The following EYS variants were observed in gnomAD, a reference collection of about 807,000 sequenced individuals.
The protein encoded by EYS is EGF-like photoreceptor maintenance factor, also known as protein eyes shut homolog.
EYS carries 250 observed loss-of-function variants against 282.1 expected under a neutral mutation model. The ratio of observed to expected loss-of-function variants is 0.89; its 90% confidence interval spans 0.80 to 0.98. The LOEUF (loss-of-function observed/expected upper bound fraction) is 0.98. Among genes scored for constraint, EYS ranks in the 50% least tolerant of loss-of-function variants. EYS has a pLI of 0.00. For synonymous variants in EYS, 1,355 were observed against 1,282.9 expected, an observed-to-expected ratio of 1.06 and a Z score of -1.20; for missense variants, 4,016 against 3,709.0, an observed-to-expected ratio of 1.08 and a Z score of -2.15.
At chr6:64,421,209 T>C (rs951993305) in intron 28 of EYS, among the ~76,000 whole-genome samples, 1 of 152,082 alleles carries the variant, frequency 6.6e-6, no homozygotes, top group African/African-American at 2.4e-5. Context: ...CTTCTTCACA[T>C]GGCAGCAGGA....
intron 35 of EYS, among the ~76,000 whole-genome samples, chr6:63,865,031 T>G (rs1257287244): frequency 6.6e-6 from 1 of 152,220 alleles, no homozygotes; most frequent in Non-Finnish European, 1.5e-5. Context: ...AAGTAACAGA[T>G]GCCTTCGTTT....
intron 1 of EYS, among the ~76,000 whole-genome samples, chr6:65,660,448 G>A (rs376760177): frequency 2.6e-5 from 4 of 151,828 alleles, no homozygotes; most frequent in African/African-American, 9.6e-5. Flanking sequence ...GAGTGGAAAA[G>A]CGCTTCATGG....
At chr6:64,072,968 G>A (rs535479708) in intron 32 of EYS, among the ~76,000 whole-genome samples, 30 of 151,984 alleles carry the variant, frequency 2.0e-4, no homozygotes, top group African/African-American at 7.0e-4. Context: ...TCAACAAGAT[G>A]TATGTAGTAC....
intron 22 of EYS, among the ~76,000 whole-genome samples, chr6:64,754,646 A>G (rs373569666): frequency 6.6e-6 from 1 of 152,172 alleles, no homozygotes; most frequent in East Asian, 1.9e-4. Context: ...AAAATTAAGT[A>G]GGTTTCATTC....
chr6:63,766,802 G>T (rs2149658542), intron 40 of EYS, among the ~76,000 whole-genome samples: 1 of 152,066 alleles, frequency 6.6e-6, no homozygotes, highest in Middle Eastern at 3.4e-3. Flanking sequence ...CTGTGGAAAT[G>T]TTGGGACCAT....
At chr6:64,773,028 A>G (rs1248510687) in intron 22 of EYS, among the ~76,000 whole-genome samples, 2 of 151,756 alleles carry the variant, frequency 1.3e-5, no homozygotes, top group Non-Finnish European at 2.9e-5. Context: ...GGTTTGTTAC[A>G]TGGATAATTT....
At chr6:65,507,084 C>T (rs941921869) in intron 2 of EYS, among the ~76,000 whole-genome samples, 1 of 152,030 alleles carries the variant, frequency 6.6e-6, no homozygotes, top group Non-Finnish European at 1.5e-5. Flanking sequence ...TTTCACTCTC[C>T]CTTTTTCAAT....
chr6:65,409,598 C>T (rs1228333512), intron 5 of EYS, among the ~76,000 whole-genome samples: 4 of 152,082 alleles, frequency 2.6e-5, no homozygotes, highest in African/African-American at 9.7e-5. Context: ...AAATGATATA[C>T]GTGGACTTTG....
intron 5 of EYS, among the ~76,000 whole-genome samples, chr6:65,465,707 C>T (rs1396009073): frequency 1.3e-5 from 2 of 152,020 alleles, no homozygotes; most frequent in Non-Finnish European, 2.9e-5. Context: ...CACGCATGGT[C>T]GCTTATTCCC....
chr6:63,959,941 G>C lies in EYS; in HGVS notation c.7055+24442C>G, dbSNP rs938514625. On this transcript the variant is annotated intron_variant, in intron 35 of 42. Coordinates refer to ENST00000503581, the MANE Select transcript of EYS (RefSeq NM_001142800.2). ...TTAAAACCTAGATGACGAATTGATA[G>C]GTGCAGCAAACCACCATGGCACATG... is the stretch of plus-strand genomic sequence containing the variant. Among the ~76,000 whole-genome samples, 17 of 151,714 alleles carry C rather than the reference G, an allele frequency of 1.1e-4. 1 individual carries two copies. Among genetic ancestry groups the C allele is most frequent in the Non-Finnish European group, 2.1e-4 (14 of 67,976 alleles).
At chr6:64,798,186 CTT>C (rs1774419566) in intron 22 of EYS, among the ~76,000 whole-genome samples, 1 of 151,806 alleles carries the variant, frequency 6.6e-6, no homozygotes, top group Non-Finnish European at 1.5e-5. Context: ...ATACAAAAGT[CTT>C]TAATTCATCA....
chr6:64,444,904 C>T (rs764413210), intron 26 of EYS, among the ~76,000 whole-genome samples: 1 of 152,166 alleles, frequency 6.6e-6, no homozygotes, highest in Non-Finnish European at 1.5e-5. Context: ...CCCTGCCTCC[C>T]ACTTCACCTC....
At chr6:65,678,831 C>T (rs1317586433) in intron 1 of EYS, among the ~76,000 whole-genome samples, 8 of 137,176 alleles carry the variant, frequency 5.8e-5, no homozygotes, top group Admixed American at 1.4e-4. Context: ...AAAAAAAAGA[C>T]ATACAAATGA....
chr6:64,701,793 A>G (rs1432548018), intron 22 of EYS, among the ~76,000 whole-genome samples: 3 of 152,068 alleles, frequency 2.0e-5, no homozygotes, highest in African/African-American at 4.8e-5. Context: ...ACTATACAAT[A>G]TATCCATGTC....
chr6:64,790,388 G>T (rs967504788), intron 22 of EYS, among the ~76,000 whole-genome samples: 2 of 151,764 alleles, frequency 1.3e-5, no homozygotes, highest in African/African-American at 4.8e-5. Flanking sequence ...GCATTTAAAT[G>T]ATGACCAAAT....
chr6:64,066,909 A>C (rs1771391754), intron 32 of EYS, among the ~76,000 whole-genome samples: 1 of 152,096 alleles, frequency 6.6e-6, no homozygotes, highest in African/African-American at 2.4e-5. Context: ...TAATGTTTAA[A>C]TTTTATTTTT....
chr6:64,530,938 A>G (rs1266184114), intron 26 of EYS, among the ~76,000 whole-genome samples: 2 of 152,130 alleles, frequency 1.3e-5, no homozygotes, highest in Non-Finnish European at 2.9e-5. Flanking sequence ...TTTTCTGAAC[A>G]ATCTCCGCCA....
At chr6:64,456,668 G>C (rs1277329999) in intron 26 of EYS, among the ~76,000 whole-genome samples, 2 of 151,780 alleles carry the variant, frequency 1.3e-5, no homozygotes, top group Non-Finnish European at 1.5e-5. Flanking sequence ...TTATAAAGTG[G>C]GTTTTTTTGC....
intron 12 of EYS, among the ~76,000 whole-genome samples, chr6:65,279,572 C>G (rs1430309802): frequency 6.6e-6 from 1 of 152,086 alleles, no homozygotes; most frequent in Non-Finnish European, 1.5e-5. Flanking sequence ...TTTTCCCTAG[C>G]CATTCCCCCA....
Sources: gnomAD v4.1 joint callset for allele counts (sites outside exome capture counted in the v4.1 genomes callset) on GRCh38, gnomAD v4.1.1 for gene constraint, MANE v1.5 for transcripts, NCBI Gene and HGNC (gene_info 2026-07-23, HGNC 2026-07-21) for gene names.